The following STIP1 variants were observed in gnomAD, a reference collection of about 807,000 sequenced individuals.
STIP1 encodes the protein stress induced phosphoprotein 1, also known as stress-induced-phosphoprotein 1.
In STIP1, 16 loss-of-function variants were observed where a neutral mutation model predicts 77.4. The ratio of observed to expected loss-of-function variants is 0.21; its 90% CI spans 0.14 to 0.31. STIP1 has a LOEUF of 0.31. Ranked by LOEUF, STIP1 falls within the 10% of genes least tolerant of loss-of-function variation. The pLI is 1.00. For missense variants in STIP1, 524 were observed against 684.8 expected (o/e 0.77, Z 2.62); for synonymous variants, 258 against 246.6 (o/e 1.05, Z -0.44).
intron 10 of STIP1, among the ~76,000 whole-genome samples, chr11:64,201,814 G>T (rs903154840): frequency 6.6e-6 from 1 of 152,242 alleles, no homozygotes; most frequent in Non-Finnish European, 1.5e-5. Context: ...GAGAAAGAAT[G>T]AATGGGATTT....
At chr11:64,190,693 A>G (rs1268997485) in intron 1 of STIP1, among the ~76,000 whole-genome samples, 2 of 152,202 alleles carry the variant, frequency 1.3e-5, no homozygotes, top group East Asian at 1.9e-4. Context: ...TGACAACTCT[A>G]TCTCACAGAA....
Position 64,202,935 on chromosome 11 carries a change from TC to T in STIP1, c.1282+27del, listed in dbSNP as rs764702990. On this transcript the variant is annotated intron_variant, in intron 11 of 13. Coordinates refer to ENST00000305218, the MANE Select transcript of STIP1 (RefSeq NM_006819.3). Reference sequence around the variant, plus strand: ...TCAGTAAGTGCCTTTCTGCTGCCTGTCCCCTGTCTCTAGCCAAAAGATTAGA... The same window carrying T: ...TCAGTAAGTGCCTTTCTGCTGCCTGTCCCTGTCTCTAGCCAAAAGATTAGA... The T allele has an allele frequency of 2.5e-6, 4 of 1,614,198 alleles. No individual in the cohort carries two copies. In the South Asian group the frequency reaches 3.3e-5, roughly 13 times the overall value.
At position 64,197,336 on chromosome 11, in the gene STIP1, G is replaced by A. The variant is rs770740759; in HGVS notation, c.738G>A (p.Lys246=). The A allele has an allele frequency of 6.2e-7, 1 of 1,614,018 alleles. No individual in the cohort carries two copies. Among genetic ancestry groups the A allele is most frequent in the Non-Finnish European group, 8.5e-7 (1 of 1,180,026 alleles). The change falls in exon 6 of 14, where the codon AAG becomes AAA. Residue 246 remains lysine (K), a synonymous_variant. Coordinates refer to ENST00000305218, the MANE Select transcript of STIP1 (RefSeq NM_006819.3). ...AGAAAGACTTTGACACAGCCTTGAAGCATTACGACAAAGCCAAGGAGCTGG... is the reference window on the plus strand; with the variant it reads ...AGAAAGACTTTGACACAGCCTTGAAACATTACGACAAAGCCAAGGAGCTGG... ...YKKKDFDTAL[K]HYDKAKELDP... is the part of the protein sequence containing the mutation.
At chr11:64,201,007 G>A (rs894790414) in intron 10 of STIP1, among the ~76,000 whole-genome samples, 6 of 147,072 alleles carry the variant, frequency 4.1e-5, no homozygotes, top group African/African-American at 7.7e-5. Context: ...GATTACAAGC[G>A]TGAACCACCA....
intron 11 of STIP1, 69 bp downstream of exon 11, chr11:64,202,981 T>TTG: frequency 1.2e-6 from 2 of 1,611,100 alleles, no homozygotes; most frequent in Non-Finnish European, 1.7e-6. Context: ...GGCAAGCCCT[T>TTG]TGTCTACCTG....
At chr11:64,200,580 TCTAA>T (rs758632254) in intron 10 of STIP1, among the ~76,000 whole-genome samples, 3 of 145,418 alleles carry the variant, frequency 2.1e-5, no homozygotes, top group Non-Finnish European at 4.5e-5. Context: ...GGGACCTGTA[TCTAA>T]CTGGTCGTGT....
intron 1 of STIP1, among the ~76,000 whole-genome samples, chr11:64,187,975 C>T (rs971933038): frequency 7.3e-5 from 11 of 150,636 alleles, no homozygotes; most frequent in African/African-American, 2.7e-4. Context: ...TGCACTCCAG[C>T]CTGGGCCATA....
chr11:64,198,311 C>G (rs961842024), intron 8 of STIP1, among the ~76,000 whole-genome samples: 6 of 152,210 alleles, frequency 3.9e-5, no homozygotes, highest in Admixed American at 1.3e-4. Flanking sequence ...CTCCCAGGTT[C>G]AAGCAATTCT....
chr11:64,197,190 C>T, intron 5 of STIP1, 81 bp from the exon 6 acceptor site: 4 of 1,576,912 alleles, frequency 2.5e-6, no homozygotes, highest in Non-Finnish European at 3.4e-6. Flanking sequence ...AGTTGCATTT[C>T]AGAACTTGTG....
chr11:64,203,576 C>T lies in STIP1; in HGVS notation c.1513C>T (p.Arg505Cys), dbSNP rs1247914372. ...GCAGATCATGAGTGACCCAGCCATG[C>T]GCCTTATCCTGGAACAGATGCAGAA... is the stretch of plus-strand genomic sequence containing the variant. Reference protein sequence around the residue: ...VQQIMSDPAMRLILEQMQKDP... With the variant: ...VQQIMSDPAMCLILEQMQKDP... Residue 505 changes from arginine (R) to cysteine (C), a missense_variant, in exon 13 of 14, where the codon CGC becomes TGC. Physicochemically the swap from Arg to Cys is radical, Grantham distance 180. Transcript: ENST00000305218. 4 of 1,614,048 alleles carry T rather than the reference C, an allele frequency of 2.5e-6. No homozygotes were observed. Among genetic ancestry groups the T allele is most frequent in the African/African-American group, 1.3e-5 (1 of 74,908 alleles).
intron 1 of STIP1, among the ~76,000 whole-genome samples, chr11:64,190,301 G>T (rs1946078285): frequency 6.6e-6 from 1 of 152,142 alleles, no homozygotes; most frequent in South Asian, 2.1e-4. Flanking sequence ...AGCCTCCCAA[G>T]TAGCTGGGAT....
intron 1 of STIP1, among the ~76,000 whole-genome samples, chr11:64,186,907 A>T (rs1946028429): frequency 1.3e-5 from 2 of 152,140 alleles, no homozygotes. Flanking sequence ...CGGGAAAGGG[A>T]AGGGTGCCGC....
chr11:64,187,640 G>C (rs1946039847), intron 1 of STIP1, among the ~76,000 whole-genome samples: 1 of 152,124 alleles, frequency 6.6e-6, no homozygotes, highest in African/African-American at 2.4e-5. Flanking sequence ...GTTGTATCTA[G>C]GGTTAAATGG....
At chr11:64,198,107 GAA>G (rs1946171616) in intron 8 of STIP1, 133 bp downstream of exon 8, 1 of 1,285,736 alleles carries the variant, frequency 7.8e-7, no homozygotes, top group Non-Finnish European at 1.0e-6. Context: ...CACCCAGGCT[GAA>G]AGACAGTGGC....
rs1178551024 is a variant in STIP1, at chr11:64,199,921, C to T, written c.1024-19C>T. ...ATTATGAGCGTTTAAATTATTATTT[C>T]AAGAATTATGTTTTGTAGGCAGAGA... On this transcript the variant is annotated intron_variant, in intron 8 of 13. Coordinates refer to ENST00000305218, the MANE Select transcript of STIP1 (RefSeq NM_006819.3). 8.7e-6 allele frequency: 14 copies of T among 1,613,400 alleles called. No individual in the cohort carries two copies. Among genetic ancestry groups the T allele is most frequent in the Non-Finnish European group, 1.0e-5 (12 of 1,179,712 alleles).
chr11:64,187,839 A>C (rs1946042890), intron 1 of STIP1, among the ~76,000 whole-genome samples: 1 of 151,826 alleles, frequency 6.6e-6, no homozygotes, highest in South Asian at 2.1e-4. Flanking sequence ...GTCTCTACTA[A>C]AAATACAGAA....
At chr11:64,188,095 C>T (rs1457745503) in intron 1 of STIP1, among the ~76,000 whole-genome samples, 1 of 149,848 alleles carries the variant, frequency 6.7e-6, no homozygotes, top group Non-Finnish European at 1.5e-5. Flanking sequence ...GCTTATAATC[C>T]TAGCACTTTG....
intron 11 of STIP1, 79 bp from the exon 12 acceptor site, chr11:64,203,046 G>T: frequency 6.3e-7 from 1 of 1,596,038 alleles, no homozygotes. Flanking sequence ...TGTGAACAGT[G>T]TTGGTGTGCA....
chr11:64,186,241 G>T lies in STIP1; in HGVS notation c.-21G>T. The T allele has an allele frequency of 6.4e-7, 1 of 1,550,566 alleles. No homozygotes were observed. Among genetic ancestry groups the T allele is most frequent in the South Asian group, 1.2e-5 (1 of 84,060 alleles). ...GGAGCGGACGGATTCGATTCAACGG[G>T]GTTCCGGACCGCGCTGCGCTATGGA... On this transcript the variant is annotated 5_prime_UTR_variant, in exon 1 of 14. Transcript: ENST00000305218.
Sources: allele counts gnomAD v4.1 joint callset (sites outside exome capture counted in the v4.1 genomes callset), GRCh38; gene constraint gnomAD v4.1.1; transcripts MANE v1.5; gene names NCBI Gene and HGNC (gene_info 2026-07-23, HGNC 2026-07-21).